Variants in MGST1 observed in about 807,000 individuals in gnomAD.
The protein encoded by MGST1 is microsomal glutathione S-transferase 1.
In MGST1, 5 loss-of-function variants were observed where a neutral mutation model predicts 8.9. The ratio of observed to expected loss-of-function variants is 0.56; its 90% CI spans 0.29 to 1.19. The LOEUF is 1.19. Among genes scored for constraint, MGST1 ranks in the 50% most tolerant of loss-of-function variants. MGST1 has a pLI of 0.08. For missense variants in MGST1, 182 were observed against 187.4 expected, an observed-to-expected ratio of 0.97 and a Z score of 0.17; for synonymous variants, 54 against 67.8, an observed-to-expected ratio of 0.80 and a Z score of 1.00.
downstream of MGST1, among the ~76,000 whole-genome samples, chr12:16,367,116 T>C (rs117163293): frequency 6.6e-6 from 1 of 152,328 alleles, no homozygotes; most frequent in East Asian, 1.9e-4. Context: ...TTTTGAAATA[T>C]TCTGTGACTC....
intron 4 of MGST1, among the ~76,000 whole-genome samples, chr12:16,495,491 A>G (rs1311653809): frequency 6.6e-6 from 1 of 152,168 alleles, no homozygotes; most frequent in Non-Finnish European, 1.5e-5. Context: ...ATAAAATTCA[A>G]AGAAATAATT....
intron 4 of MGST1, among the ~76,000 whole-genome samples, chr12:16,507,075 G>A (rs1321583554): frequency 6.6e-6 from 1 of 152,034 alleles, no homozygotes; most frequent in Non-Finnish European, 1.5e-5. Flanking sequence ...ACATAGGAGG[G>A]AGAGTCTACA....
At chr12:16,433,827 C>T (rs1180750003) in intron 1 of MGST1, among the ~76,000 whole-genome samples, 1 of 152,016 alleles carries the variant, frequency 6.6e-6, no homozygotes, top group African/African-American at 2.4e-5. Context: ...GTTTTAATGC[C>T]AGTTGATTAT....
chr12:16,454,216 G>A (rs1412944903), intron 4 of MGST1, among the ~76,000 whole-genome samples: 1 of 151,858 alleles, frequency 6.6e-6, no homozygotes, highest in Non-Finnish European at 1.5e-5. Context: ...ACTGATAATA[G>A]AATACTTGTA....
At chr12:16,373,716 A>C (rs910935007) in intron 3 of MGST1, among the ~76,000 whole-genome samples, 1 of 152,106 alleles carries the variant, frequency 6.6e-6, no homozygotes, top group Non-Finnish European at 1.5e-5. Context: ...GAATTTAATC[A>C]AAGTGACTAA....
chr12:16,580,315 A>G lies in MGST1; in HGVS notation n.483-9213A>G, dbSNP rs887024362. Among the ~76,000 whole-genome samples the G allele has an allele frequency of 3.3e-5, 5 of 152,192 alleles. No homozygotes were observed. The East Asian group carries it at 9.6e-4, about 29-fold the overall frequency. On this transcript the variant is annotated intron_variant and non_coding_transcript_variant, in intron 4 of 4. Coordinates refer to the MGST1 transcript ENST00000538857. Reference sequence around the variant, plus strand: ...AAGCAACTTCTGTTTTACTGGGAGCACTAGGAATAGAAGGATCAAGAGCAA... The same window carrying G: ...AAGCAACTTCTGTTTTACTGGGAGCGCTAGGAATAGAAGGATCAAGAGCAA...
At chr12:16,496,568 C>T (rs1364633134) in intron 4 of MGST1, among the ~76,000 whole-genome samples, 1 of 151,988 alleles carries the variant, frequency 6.6e-6, no homozygotes, top group Non-Finnish European at 1.5e-5. Flanking sequence ...TACGACTAAT[C>T]CCGTCACCCG....
At chr12:16,441,143 A>G (rs1017612695), downstream of MGST1, among the ~76,000 whole-genome samples, 6 of 151,844 alleles carry the variant, frequency 4.0e-5, no homozygotes, top group African/African-American at 1.4e-4. Context: ...TTTCTCAGGT[A>G]CAGATTGCCT....
At chr12:16,581,566 A>G (rs902262160) in intron 4 of MGST1, among the ~76,000 whole-genome samples, 5 of 152,200 alleles carry the variant, frequency 3.3e-5, no homozygotes, top group African/African-American at 1.2e-4. Flanking sequence ...TCCTCAAGAA[A>G]TATTTGCCAT....
intron 4 of MGST1, among the ~76,000 whole-genome samples, chr12:16,566,217 A>G (rs1441811841): frequency 1.3e-5 from 2 of 151,310 alleles, no homozygotes; most frequent in East Asian, 4.0e-4. Context: ...AGGAGAAAGT[A>G]GCATAGTGAT....
intron 4 of MGST1, among the ~76,000 whole-genome samples, chr12:16,446,168 C>T (rs1941078203): frequency 6.6e-6 from 1 of 151,950 alleles, no homozygotes; most frequent in Admixed American, 6.6e-5. Flanking sequence ...CCAAATATCA[C>T]TATCGAATTA....
chr12:16,545,016 C>A (rs1488327887), intron 4 of MGST1, among the ~76,000 whole-genome samples: 1 of 151,966 alleles, frequency 6.6e-6, no homozygotes, highest in Non-Finnish European at 1.5e-5. Flanking sequence ...AGATATAAAA[C>A]AAATATAGAA....
At chr12:16,538,837 T>C (rs997980856) in intron 4 of MGST1, among the ~76,000 whole-genome samples, 4 of 152,076 alleles carry the variant, frequency 2.6e-5, no homozygotes, top group African/African-American at 9.7e-5. Context: ...ATCGATCTCC[T>C]GACCTTGTGA....
intron 4 of MGST1, among the ~76,000 whole-genome samples, chr12:16,536,154 G>A (rs1391754683): frequency 3.3e-5 from 5 of 150,706 alleles, no homozygotes; most frequent in Non-Finnish European, 7.4e-5. Flanking sequence ...CTTGTCTAAA[G>A]GCCAGGAATA....
At chr12:16,574,158 G>T (rs180904585) in intron 4 of MGST1, among the ~76,000 whole-genome samples, 1 of 152,040 alleles carries the variant, frequency 6.6e-6, no homozygotes, top group Non-Finnish European at 1.5e-5. Flanking sequence ...CCAAGACCCA[G>T]AGTAAGTTAG....
chr12:16,540,786 C>G (rs2137212237), intron 4 of MGST1, among the ~76,000 whole-genome samples: 1 of 152,284 alleles, frequency 6.6e-6, no homozygotes, highest in South Asian at 2.1e-4. Context: ...CAAAAATTAG[C>G]TGGGCATGCT....
At chr12:16,502,999 T>A (rs902549808) in intron 4 of MGST1, among the ~76,000 whole-genome samples, 1 of 152,120 alleles carries the variant, frequency 6.6e-6, no homozygotes, top group Non-Finnish European at 1.5e-5. Context: ...CTCTAGGATT[T>A]TGAGGTAGAG....
Position 16,584,392 on chromosome 12 carries a change from A to T in MGST1, n.483-5136A>T, listed in dbSNP as rs1427016260. ...GTAAGGCAACAGATGAAATTCAGTT[A>T]AAACAATATTTTGATGGGAAAGGCA... is the stretch of plus-strand genomic sequence containing the variant. On this transcript the variant is annotated intron_variant and non_coding_transcript_variant, in intron 4 of 4. Transcript: ENST00000538857. The surrounding 1 kb of genome is among the most constrained non-coding windows in gnomAD (Gnocchi z 5.2). 6.6e-6 allele frequency among the ~76,000 whole-genome samples: 1 copy of T among 152,212 alleles called. No individual in the cohort carries two copies. Among genetic ancestry groups the T allele is most frequent in the Non-Finnish European group, 1.5e-5 (1 of 68,044 alleles).
chr12:16,400,963 T>C, intron 1 of MGST1: 1 of 1,395,020 alleles, frequency 7.2e-7, no homozygotes, highest in African/African-American at 1.4e-5. Context: ...TCTTTGCTTC[T>C]TCATTGAGTT....
Sources: allele counts gnomAD v4.1 joint callset (sites outside exome capture counted in the v4.1 genomes callset), GRCh38; gene constraint gnomAD v4.1.1; non-coding constraint Gnocchi (gnomAD v3.1); transcripts MANE v1.5; gene names NCBI Gene and HGNC (gene_info 2026-07-23, HGNC 2026-07-21).